The following HMGCLL1 variants were observed in gnomAD, a reference collection of about 807,000 sequenced individuals.
HMGCLL1 encodes the protein 3-hydroxy-3-methylglutaryl-CoA lyase like 1, also known as 3-hydroxymethyl-3-methylglutaryl-CoA lyase, cytoplasmic.
HMGCLL1 carries 36 observed loss-of-function variants against 39.1 expected under a neutral mutation model. That is an observed-to-expected ratio of 0.92 (90% confidence interval 0.71 to 1.22). The LOEUF is 1.22. HMGCLL1 is among the 50% of genes most tolerant of loss of function. HMGCLL1 has a pLI of 0.00. For missense variants in HMGCLL1, 451 were observed against 416.5 expected (o/e 1.08, Z -0.72); for synonymous variants, 149 against 144.0 (o/e 1.03, Z -0.25).
At chr6:55,489,451 T>C (rs373904441) in intron 7 of HMGCLL1, among the ~76,000 whole-genome samples, 4 of 151,936 alleles carry the variant, frequency 2.6e-5, no homozygotes, top group African/African-American at 9.6e-5. Flanking sequence ...CTTACTATAC[T>C]ATAAAAGCCA....
chr6:55,454,721 G>A (rs1489444620), intron 7 of HMGCLL1, among the ~76,000 whole-genome samples: 1 of 152,148 alleles, frequency 6.6e-6, no homozygotes, highest in South Asian at 2.1e-4. Flanking sequence ...ACTAATGCCA[G>A]GATGATACTT....
the HMGCLL1 span, among the ~76,000 whole-genome samples, chr6:55,633,973 C>A: frequency 6.6e-6 from 1 of 151,960 alleles, no homozygotes; most frequent in Non-Finnish European, 1.5e-5. Flanking sequence ...GCAAATATTT[C>A]ATTCAAATAA....
rs950659934 is a variant in HMGCLL1 at position 55,524,966 on chromosome 6, T to TTAATAG, written c.298-8369_298-8364dup. ...TAATACTAATTACTATTACTATTAA[T>TTAATAG]TAATAGTAATAGTAATAGTAATTAA... is the stretch of plus-strand genomic sequence containing the variant. On this transcript the variant is annotated intron_variant, in intron 3 of 8. Transcript: ENST00000274901. Among the ~76,000 whole-genome samples the TTAATAG allele has an allele frequency of 2.7e-5, 4 of 149,942 alleles. No homozygotes were observed. The East Asian group carries it at 5.9e-4, about 22-fold the overall frequency.
At chr6:55,650,125 A>AT in the HMGCLL1 span, among the ~76,000 whole-genome samples, 661 of 72,352 alleles carry the variant, frequency 9.1e-3, 23 homozygotes, top group African/African-American at 0.035. Flanking sequence ...ATATATATAT[A>AT]TATATATATA....
chr6:55,598,719 G>A, the HMGCLL1 span, among the ~76,000 whole-genome samples: 469 of 152,222 alleles, frequency 3.1e-3, 3 homozygotes, highest in African/African-American at 0.011. Flanking sequence ...GCTTGCAAAC[G>A]TTTAATGGTT....
At chr6:55,481,200 T>TC (rs1765725916) in intron 7 of HMGCLL1, among the ~76,000 whole-genome samples, 1 of 151,896 alleles carries the variant, frequency 6.6e-6, no homozygotes, top group African/African-American at 2.4e-5. Context: ...GGGCAACTTG[T>TC]GAGACCCTGT....
At chr6:55,453,303 C>A (rs1242990509) in intron 7 of HMGCLL1, among the ~76,000 whole-genome samples, 1 of 152,138 alleles carries the variant, frequency 6.6e-6, no homozygotes, top group African/African-American at 2.4e-5. Flanking sequence ...CTCAGCCTTA[C>A]CAGCAGCTGG....
At chr6:55,649,584 T>C in the HMGCLL1 span, among the ~76,000 whole-genome samples, 1 of 152,004 alleles carries the variant, frequency 6.6e-6, no homozygotes, top group African/African-American at 2.4e-5. Flanking sequence ...ATCTTCTGGC[T>C]GTTCTATAAT....
intron 5 of HMGCLL1, among the ~76,000 whole-genome samples, chr6:55,509,797 T>A (rs1000914119): frequency 6.6e-6 from 1 of 151,872 alleles, no homozygotes; most frequent in Non-Finnish European, 1.5e-5. Flanking sequence ...TTTGGAAGCA[T>A]TTAAGACCAA....
chr6:55,513,691 G>A (rs1767583518), intron 5 of HMGCLL1: 1 of 247,342 alleles, frequency 4.0e-6, no homozygotes, highest in African/African-American at 2.2e-5. Context: ...ACCACATTAG[G>A]TGATTCTTTT....
At chr6:55,557,597 A>C (rs1770741585) in intron 1 of HMGCLL1, among the ~76,000 whole-genome samples, 1 of 151,878 alleles carries the variant, frequency 6.6e-6, no homozygotes, top group African/African-American at 2.4e-5. Flanking sequence ...TTTCCAGGTG[A>C]CCTATTTCAT....
the HMGCLL1 span, among the ~76,000 whole-genome samples, chr6:55,633,560 A>G: frequency 1.3e-5 from 2 of 151,996 alleles, no homozygotes; most frequent in Admixed American, 1.3e-4. Context: ...CTGCATAACC[A>G]TTTTATGCAA....
At chr6:55,672,145 C>T in the HMGCLL1 span, among the ~76,000 whole-genome samples, 1 of 151,492 alleles carries the variant, frequency 6.6e-6, no homozygotes, top group Non-Finnish European at 1.5e-5. Context: ...TTTCAAATAT[C>T]AATAACTGAT....
rs545450825 is a variant in HMGCLL1, at chr6:55,449,861, C to A, written c.796-10302G>T. ...ATATTCTCAATTCCTTCCATGCAGCCTTTGTGCTCGTGTTTCCCTGTTACT... is the reference window on the plus strand; with the variant it reads ...ATATTCTCAATTCCTTCCATGCAGCATTTGTGCTCGTGTTTCCCTGTTACT... On this transcript the variant is annotated intron_variant, in intron 7 of 8. Transcript: ENST00000274901. 1.1e-3 allele frequency among the ~76,000 whole-genome samples: 170 copies of A among 152,254 alleles called. 1 individual carries two copies. The highest frequency in any genetic ancestry group is 3.9e-3 in the African/African-American group (161 of 41,552).
chr6:55,504,267 T>C (rs1170063644), intron 5 of HMGCLL1, among the ~76,000 whole-genome samples: 1 of 151,776 alleles, frequency 6.6e-6, no homozygotes, highest in African/African-American at 2.4e-5. Context: ...ATTTTGATTA[T>C]GTTTCCATAC....
the HMGCLL1 span, among the ~76,000 whole-genome samples, chr6:55,657,936 T>C: frequency 1.3e-5 from 2 of 151,566 alleles, no homozygotes; most frequent in East Asian, 3.9e-4. Context: ...GGGGGGAGGA[T>C]CAGGAAAAAT....
At chr6:55,456,646 C>T (rs963939660) in intron 7 of HMGCLL1, among the ~76,000 whole-genome samples, 1 of 152,158 alleles carries the variant, frequency 6.6e-6, no homozygotes, top group Admixed American at 6.5e-5. Context: ...TTCCCACTAA[C>T]AGCTTTGGGT....
intron 5 of HMGCLL1, among the ~76,000 whole-genome samples, chr6:55,508,683 TGAC>T (rs763167844): frequency 2.7e-4 from 41 of 151,940 alleles, no homozygotes; most frequent in Non-Finnish European, 5.2e-4. Context: ...TGTTTCACAT[TGAC>T]ATATATAATA....
chr6:55,590,365 A>G, the HMGCLL1 span, among the ~76,000 whole-genome samples: 1 of 152,018 alleles, frequency 6.6e-6, no homozygotes, highest in African/African-American at 2.4e-5. Flanking sequence ...AAGCTGATAC[A>G]GGATCCCTTC....
Sources: gnomAD v4.1 joint callset for allele counts (sites outside exome capture counted in the v4.1 genomes callset) on GRCh38, gnomAD v4.1.1 for gene constraint, MANE v1.5 for transcripts, NCBI Gene and HGNC (gene_info 2026-07-23, HGNC 2026-07-21) for gene names.